The following NUMA1 variants were observed in gnomAD, a reference collection of about 807,000 sequenced individuals.
NUMA1 encodes SP-H antigen.
In NUMA1, 62 loss-of-function variants were observed where a neutral mutation model predicts 237.1. The observed-to-expected ratio is 0.26, with a 90% CI of 0.21 to 0.32. The LOEUF is 0.32. Among genes scored for constraint, NUMA1 ranks in the 10% least tolerant of loss-of-function variants. NUMA1 has a pLI of 1.00. For synonymous variants in NUMA1, 1,028 were observed against 1,066.1 expected (o/e 0.96, Z 0.70); for missense variants, 2,533 against 2,666.5 (o/e 0.95, Z 1.10).
At chr11:72,049,399 T>A (rs1468342430) in intron 2 of NUMA1, 1 of 150,876 alleles carries the variant, frequency 6.6e-6, no homozygotes, top group African/African-American at 2.4e-5. Context: ...CAAGCTAGGG[T>A]CGGATCAGCT....
Position 72,004,055 on chromosome 11 carries a change from G to T in NUMA1, c.6168C>A (p.Pro2056=), listed in dbSNP as rs766773411. 5 of 1,613,622 alleles carry T rather than the reference G, an allele frequency of 3.1e-6. No individual in the cohort carries two copies. The highest frequency in any genetic ancestry group is 2.5e-6 in the Non-Finnish European group (3 of 1,179,778). The change falls in exon 26 of 27, where the codon CCC becomes CCA. Residue 2056 remains proline, a synonymous_variant. Coordinates refer to ENST00000393695, the MANE Select transcript of NUMA1 (RefSeq NM_006185.4). Reference sequence around the variant, plus strand: ...GCAGAAGGCTGTTCCCTAGCTTCTTGGGTGTGTTGAGGATGCTGAAGGCCA... The same window carrying T: ...GCAGAAGGCTGTTCCCTAGCTTCTTTGGTGTGTTGAGGATGCTGAAGGCCA... ...QSMAFSILNT[P]KKLGNSLLRR... is the part of the protein sequence containing the mutation.
At chr11:72,040,547 T>G (rs1423713639) in intron 2 of NUMA1, 1 of 154,452 alleles carries the variant, frequency 6.5e-6, no homozygotes, top group Non-Finnish European at 1.4e-5. Flanking sequence ...TCACACACCC[T>G]GGTCCCTATC....
intron 1 of NUMA1, among the ~76,000 whole-genome samples, chr11:72,073,601 G>A (rs972340114): frequency 6.6e-6 from 1 of 152,138 alleles, no homozygotes; most frequent in African/African-American, 2.4e-5. Context: ...TCAAATATAC[G>A]CATAGCTTTC....
At chr11:72,028,999 G>A (rs753732098) in intron 4 of NUMA1, among the ~76,000 whole-genome samples, 18 of 152,218 alleles carry the variant, frequency 1.2e-4, no homozygotes, top group Non-Finnish European at 1.9e-4. Flanking sequence ...TGGGACAAGC[G>A]TAAAACCTCT....
At chr11:72,078,701 C>T (rs1018671574) in intron 1 of NUMA1, among the ~76,000 whole-genome samples, 2 of 152,196 alleles carry the variant, frequency 1.3e-5, no homozygotes, top group African/African-American at 2.4e-5. Flanking sequence ...ACTTAGGCTA[C>T]GAAAAGAATA....
At chr11:72,079,848 T>A (rs1252516740) in intron 1 of NUMA1, among the ~76,000 whole-genome samples, 1 of 150,636 alleles carries the variant, frequency 6.6e-6, no homozygotes, top group East Asian at 1.9e-4. Context: ...ATATGAAAAG[T>A]GAGGCTCAAA....
chr11:72,024,368 AG>A lies in NUMA1; in HGVS notation c.129-16del. On this transcript the variant is annotated splice_polypyrimidine_tract_variant and intron_variant, in intron 4 of 26. Coordinates refer to ENST00000393695, the MANE Select transcript of NUMA1 (RefSeq NM_006185.4). ...CAGTGCCATGGCTAGAAAAAGAGCAAGTATTAGGACCAGAGTATTCAGCAAT... is the reference window on the plus strand; with the variant it reads ...CAGTGCCATGGCTAGAAAAAGAGCAATATTAGGACCAGAGTATTCAGCAAT... 6.2e-7 allele frequency: 1 copy of A among 1,612,422 alleles called. No homozygotes were observed. The highest frequency in any genetic ancestry group is 8.5e-7 in the Non-Finnish European group (1 of 1,178,472).
intron 25 of NUMA1, 23 bp from the exon 26 acceptor site, chr11:72,004,122 C>G (rs776933542): frequency 6.2e-7 from 1 of 1,612,624 alleles, no homozygotes; most frequent in South Asian, 1.1e-5. Flanking sequence ...GCTGTCAGAC[C>G]GGGAGACCCA....
intron 26 of NUMA1, 123 bp downstream of exon 26, chr11:72,003,764 C>T: frequency 8.9e-7 from 1 of 1,128,852 alleles, no homozygotes; most frequent in Admixed American, 2.1e-5. Context: ...ACAGGGACAC[C>T]TCTTACCCCA....
rs1364210288 is a variant in NUMA1 at position 72,015,591 on chromosome 11, C to A, written c.1912G>T (p.Val638Leu). 2 of 1,613,732 alleles carry A rather than the reference C, an allele frequency of 1.2e-6. No individual in the cohort carries two copies. The highest frequency in any genetic ancestry group is 2.2e-5 in the South Asian group (2 of 91,092). Reference protein sequence around the residue: ...NEARDSAQTSVTQAQREKAEL... With the variant: ...NEARDSAQTSLTQAQREKAEL... ...GCCTTCTCCCGCTGGGCCTGTGTCA[C>A]TGAGGTCTGGGCACTGTCCCGGGCT... Residue 638 changes from valine to leucine, a missense_variant, in exon 15 of 27, where the codon GTG becomes TTG. By Grantham distance (32) the Val-to-Leu change is conservative (BLOSUM62 1). Around this residue, in one of 3 missense-constraint regions of NUMA1, gnomAD observed 1,414 missense variants for 1,508.1 expected, o/e 0.94. Coordinates refer to ENST00000393695, the MANE Select transcript of NUMA1 (RefSeq NM_006185.4). This position sits in a 1 kb window ranked among gnomAD's most constrained non-coding sequence, Gnocchi z 4.0.
chr11:72,010,339 T>C (rs1292223868), intron 17 of NUMA1, among the ~76,000 whole-genome samples: 4 of 152,202 alleles, frequency 2.6e-5, no homozygotes, highest in African/African-American at 9.7e-5. Context: ...TGCACTGTAA[T>C]ATTCAACACT....
chr11:72,015,263 A>T lies in NUMA1; in HGVS notation c.2240T>A (p.Val747Glu), dbSNP rs1431840402. ...CTTTCGTTCCCGCTTATGCTGCTCC[A>T]CCAGGCTTCGGGTCTCTGCCTTCAG... ...SELKAETRSL[V>E]EQHKRERKEL... is the part of the protein sequence containing the mutation. The change falls in exon 15 of 27, where the codon GTG (valine) becomes GAG (glutamate). Residue 747 changes from valine to glutamate, a missense_variant. Physicochemically the swap from Val to Glu is moderately radical, Grantham distance 121. Coordinates refer to ENST00000393695, the MANE Select transcript of NUMA1 (RefSeq NM_006185.4). This position sits in a 1 kb window ranked among gnomAD's most constrained non-coding sequence, Gnocchi z 4.0. 8 of 1,613,268 alleles carry T rather than the reference A, an allele frequency of 5.0e-6. No homozygotes were observed. Among genetic ancestry groups the T allele is most frequent in the Non-Finnish European group, 6.8e-6 (8 of 1,179,978 alleles).
intron 15 of NUMA1, 57 bp from the exon 16 acceptor site, chr11:72,012,499 G>T: frequency 6.5e-7 from 1 of 1,527,916 alleles, no homozygotes; most frequent in Non-Finnish European, 9.0e-7. Flanking sequence ...AGAAGCACCA[G>T]CCCTGCTGCC....
chr11:72,014,079 G>C lies in NUMA1; in HGVS notation c.3424C>G (p.Gln1142Glu). Residue 1142 changes from glutamine (Q) to glutamate (E), a missense_variant, in exon 15 of 27, where the codon CAG becomes GAG. By Grantham distance (29) the Gln-to-Glu change is conservative. Transcript: ENST00000393695. This position sits in a 1 kb window ranked among gnomAD's most constrained non-coding sequence, Gnocchi z 4.6. ...LEQQCQKQQEQADSLERSLEA... is the reference protein window; with the variant it reads ...LEQQCQKQQEEADSLERSLEA... ...AGGCTGCGTTCCAGGCTGTCAGCCT[G>C]CTCCTGCTGCTTCTGGCATTGCTGT... 6.2e-7 allele frequency: 1 copy of C among 1,610,880 alleles called. No individual in the cohort carries two copies. Among genetic ancestry groups the C allele is most frequent in the Non-Finnish European group, 8.5e-7 (1 of 1,180,012 alleles).
At chr11:72,067,781 G>A (rs1269406638) in intron 2 of NUMA1, 1 of 152,166 alleles carries the variant, frequency 6.6e-6, no homozygotes, top group African/African-American at 2.4e-5. Context: ...AATGTTTAGA[G>A]TAAGAAAGAG....
In NUMA1 at chr11:72,042,575, G is replaced by A. The variant is rs1184644534; in HGVS notation, c.-32-6600C>T. Among the ~76,000 whole-genome samples the A allele has an allele frequency of 2.0e-5, 3 of 152,194 alleles. No homozygotes were observed. In the East Asian group the frequency reaches 5.8e-4, roughly 29 times the overall value. On this transcript the variant is annotated intron_variant, in intron 2 of 26. Transcript: ENST00000393695. Reference sequence around the variant, plus strand: ...GTGGGGAGGAAGAGAAAGCAGAGAGGAGGCATGGAAGCAGTGGGAGAAAGG... The same window carrying A: ...GTGGGGAGGAAGAGAAAGCAGAGAGAAGGCATGGAAGCAGTGGGAGAAAGG...
chr11:72,037,277 G>A (rs775443546), intron 2 of NUMA1, among the ~76,000 whole-genome samples: 38 of 152,316 alleles, frequency 2.5e-4, no homozygotes, highest in Non-Finnish European at 4.7e-4. Flanking sequence ...AGACCAAGGC[G>A]GGTGGATCGC....
intron 2 of NUMA1, chr11:72,066,362 T>C (rs1943199643): frequency 6.6e-6 from 1 of 151,846 alleles, no homozygotes; most frequent in African/African-American, 2.4e-5. Context: ...TGTTAGTCTG[T>C]AAATCAAAAA....
At chr11:72,004,563 G>A in intron 24 of NUMA1, 77 bp downstream of exon 24, 3 of 1,448,448 alleles carry the variant, frequency 2.1e-6, no homozygotes, top group South Asian at 1.2e-5. Flanking sequence ...GAGAGAGAAG[G>A]CTCCCTTTAG....
Sources: gnomAD v4.1 joint callset for allele counts (sites outside exome capture counted in the v4.1 genomes callset) on GRCh38, gnomAD v4.1.1 for gene constraint, gnomAD v4.1.1 regional missense constraint, Gnocchi (gnomAD v3.1) non-coding constraint, MANE v1.5 for transcripts, NCBI Gene and HGNC (gene_info 2026-07-23, HGNC 2026-07-21) for gene names.